RELN: variants seen among roughly 807,000 people sequenced by gnomAD.
RELN encodes the protein reelin.
Under a neutral mutation model 427.6 loss-of-function variants are expected in RELN, and 108 were observed. The ratio of observed to expected loss-of-function variants is 0.25; its 90% confidence interval spans 0.22 to 0.30. The LOEUF is 0.30. Among genes scored for constraint, RELN ranks in the 10% least tolerant of loss-of-function variants. RELN has a pLI of 1.00. For synonymous variants in RELN, 1,524 were observed against 1,513.4 expected, an observed-to-expected ratio of 1.01 and a Z score of -0.16; for missense variants, 3,715 against 4,302.8, an observed-to-expected ratio of 0.86 and a Z score of 3.82.
intron 3 of RELN, among the ~76,000 whole-genome samples, chr7:103,805,239 C>G (rs1233414502): frequency 2.0e-5 from 3 of 152,142 alleles, no homozygotes; most frequent in African/African-American, 7.2e-5. Context: ...CAGGATGCTA[C>G]TGTGAGTACC....
chr7:103,538,663 T>C (rs1364973061), intron 45 of RELN, among the ~76,000 whole-genome samples: 1 of 152,190 alleles, frequency 6.6e-6, no homozygotes, highest in Non-Finnish European at 1.5e-5. Context: ...TGAATATATA[T>C]ATTAATAAGC....
At chr7:103,679,581 T>TTA (rs1387695943) in intron 11 of RELN, among the ~76,000 whole-genome samples, 1 of 152,202 alleles carries the variant, frequency 6.6e-6, no homozygotes, top group African/African-American at 2.4e-5. Flanking sequence ...AAGAGCATAA[T>TTA]TAAAGAAATG....
In RELN at chr7:103,535,483, C is replaced by T. The variant is rs879182818; in HGVS notation, c.7182G>A (p.Ala2394=). 24 of 1,613,550 alleles carry T rather than the reference C, an allele frequency of 1.5e-5. No homozygotes were observed. The highest frequency in any genetic ancestry group is 1.2e-4 in the Admixed American group (7 of 59,984). Residue 2394 remains alanine, a splice_region_variant and synonymous_variant, in exon 46 of 65, where the codon GCG becomes GCA. Coordinates refer to ENST00000428762, the MANE Select transcript of RELN (RefSeq NM_005045.4). ...GATCTACTGAGTATTCCAATTCAAT[C>T]GCTGAAACAGGAAACATTATTTTGG... ...ASCSVTDSCY[A]IELEYSVDLG... is the part of the protein sequence containing the mutation.
intron 3 of RELN, among the ~76,000 whole-genome samples, chr7:103,829,347 C>G (rs1388647508): frequency 1.3e-5 from 2 of 151,586 alleles, no homozygotes; most frequent in African/African-American, 2.4e-5. Flanking sequence ...CTTCTTCTTT[C>G]CCTTCCCCCA....
chr7:103,495,531 G>T (rs1206282393), intron 57 of RELN, among the ~76,000 whole-genome samples, 192 bp downstream of exon 57: 1 of 151,842 alleles, frequency 6.6e-6, no homozygotes, highest in Non-Finnish European at 1.5e-5. Context: ...ACATTTTCAG[G>T]GATTTTATCT....
At chr7:103,684,649 T>C (rs1401667865) in intron 10 of RELN, among the ~76,000 whole-genome samples, 1 of 152,190 alleles carries the variant, frequency 6.6e-6, no homozygotes, top group Non-Finnish European at 1.5e-5. Context: ...TGGCTCCATG[T>C]TTTTGTAGAA....
At chr7:103,794,522 A>G (rs760600847) in intron 3 of RELN, among the ~76,000 whole-genome samples, 1 of 152,170 alleles carries the variant, frequency 6.6e-6, no homozygotes, top group Non-Finnish European at 1.5e-5. Context: ...TGCATATCAC[A>G]TGCATATCTA....
intron 8 of RELN, among the ~76,000 whole-genome samples, chr7:103,710,878 A>G (rs141592365): frequency 0.019 from 2,829 of 152,172 alleles, 38 homozygotes; most frequent in Admixed American, 0.031. Flanking sequence ...ACCCCGTCTC[A>G]ACTAAAAATA....
chr7:103,653,664 A>G (rs1832968303), intron 13 of RELN, among the ~76,000 whole-genome samples: 2 of 152,062 alleles, frequency 1.3e-5, no homozygotes, highest in Admixed American at 1.3e-4. Context: ...GCCAACCTCA[A>G]TCGGTAGCTC....
At chr7:103,919,499 A>G (rs1795566082) in intron 1 of RELN, among the ~76,000 whole-genome samples, 1 of 152,048 alleles carries the variant, frequency 6.6e-6, no homozygotes, top group Admixed American at 6.6e-5. Flanking sequence ...CTCTACTTGC[A>G]GCCCTCGGTT....
At chr7:103,597,950 T>C (rs1831577214) in intron 24 of RELN, among the ~76,000 whole-genome samples, 1 of 152,182 alleles carries the variant, frequency 6.6e-6, no homozygotes. Context: ...CATCCATGGA[T>C]TTCTCTTGAG....
chr7:103,825,011 C>T (rs1361506367), intron 3 of RELN, among the ~76,000 whole-genome samples: 1 of 151,876 alleles, frequency 6.6e-6, no homozygotes, highest in African/African-American at 2.4e-5. Flanking sequence ...AGTAAAGGAA[C>T]TTAGTAGGCT....
intron 24 of RELN, among the ~76,000 whole-genome samples, chr7:103,597,097 A>G (rs1831555451): frequency 6.6e-6 from 1 of 152,122 alleles, no homozygotes; most frequent in Non-Finnish European, 1.5e-5. Flanking sequence ...GACCTTTCTG[A>G]GCTTTTATTT....
At chr7:103,868,096 C>T (rs925164649) in intron 2 of RELN, among the ~76,000 whole-genome samples, 5 of 152,190 alleles carry the variant, frequency 3.3e-5, no homozygotes, top group African/African-American at 1.2e-4. Flanking sequence ...AATTGGATGG[C>T]ACTCCATATG....
intron 20 of RELN, among the ~76,000 whole-genome samples, chr7:103,627,497 T>C (rs923510801): frequency 1.3e-5 from 2 of 152,012 alleles, no homozygotes; most frequent in South Asian, 2.1e-4. Context: ...GCTAAGAAAA[T>C]AGGAACAGTT....
intron 3 of RELN, among the ~76,000 whole-genome samples, chr7:103,821,517 G>A (rs1333896563): frequency 6.6e-6 from 1 of 152,104 alleles, no homozygotes; most frequent in East Asian, 1.9e-4. Flanking sequence ...TAACTATTAT[G>A]GTGCTGAGAT....
rs368992119 is a variant in RELN at position 103,561,841 on chromosome 7, G to A, written c.5323C>T (p.Arg1775Ter). Reference sequence around the variant, plus strand: ...CAGCGTCCAGCATCACAAATCCCTCGTCCTGAGCACATCCAAGGGCACCCT... The same window carrying A: ...CAGCGTCCAGCATCACAAATCCCTCATCCTGAGCACATCCAAGGGCACCCT... ...ASGCPWMCSG[R>*]GICDAGRCVC... Residue 1775 changes from arginine (R) to a stop codon, truncating the protein, a stop_gained, in exon 35 of 65, where the codon CGA becomes TGA. Transcript: ENST00000428762. LOFTEE classifies it high-confidence loss of function. 7 of 1,613,246 alleles carry A rather than the reference G, an allele frequency of 4.3e-6. No homozygotes were observed. The highest frequency in any genetic ancestry group is 1.1e-5 in the South Asian group (1 of 91,036).
intron 45 of RELN, 64 bp downstream of exon 45, chr7:103,539,014 C>T: frequency 1.3e-6 from 2 of 1,591,952 alleles, no homozygotes; most frequent in Non-Finnish European, 1.7e-6. Context: ...AGTCCTATGA[C>T]AGAGGCAGCC....
intron 27 of RELN, among the ~76,000 whole-genome samples, chr7:103,591,066 T>G (rs552426205): frequency 6.6e-6 from 1 of 152,348 alleles, no homozygotes; most frequent in Non-Finnish European, 1.5e-5. Flanking sequence ...GGTATTATAG[T>G]TTAAGACAGT....
Sources: allele counts gnomAD v4.1 joint callset (sites outside exome capture counted in the v4.1 genomes callset), GRCh38; gene constraint gnomAD v4.1.1; transcripts MANE v1.5; gene names NCBI Gene and HGNC (gene_info 2026-07-23, HGNC 2026-07-21).